The following TENM3 variants were observed in gnomAD, a reference collection of about 807,000 sequenced individuals.
The protein encoded by TENM3 is teneurin-3.
TENM3 carries 63 observed loss-of-function variants against 255.1 expected under a neutral mutation model. That is an observed-to-expected ratio of 0.25 (90% confidence interval 0.20 to 0.30). The LOEUF (loss-of-function observed/expected upper bound fraction) is 0.30. Among genes scored for constraint, TENM3 ranks in the 10% least tolerant of loss-of-function variants. The pLI is 1.00. For missense variants in TENM3, 2,929 were observed against 3,461.1 expected (o/e 0.85, Z 3.86); for synonymous variants, 1,306 against 1,322.3 (o/e 0.99, Z 0.27).
At position 182,729,092 on chromosome 4, in the gene TENM3, A is replaced by G; in HGVS notation, c.2496A>G (p.Gln832=). 1 of 1,614,050 alleles carries G rather than the reference A, an allele frequency of 6.2e-7. No individual in the cohort carries two copies. The highest frequency in any genetic ancestry group is 1.3e-5 in the African/African-American group (1 of 75,058). The part of the protein sequence containing the change: ...ISQSLQSPSQ[Q]AAKSFYDRIS... ...AAAGCCTTCAATCGCCTTCTCAGCA[A>G]GCTGCCAAATCCTTTTATGATCGAA... Residue 832 remains glutamine, a synonymous_variant, in exon 14 of 28, where the codon CAA becomes CAG. Coordinates refer to ENST00000511685, the MANE Select transcript of TENM3 (RefSeq NM_001080477.4).
chr4:181,811,599 C>G, the TENM3 span, among the ~76,000 whole-genome samples: 1 of 152,206 alleles, frequency 6.6e-6, no homozygotes, highest in Non-Finnish European at 1.5e-5. Context: ...TTCCACATGG[C>G]TGGGGAGGCC....
the TENM3 span, among the ~76,000 whole-genome samples, chr4:181,546,084 C>T: frequency 6.6e-6 from 1 of 152,158 alleles, no homozygotes; most frequent in Non-Finnish European, 1.5e-5. Flanking sequence ...CTCTGGTGGC[C>T]ACTGCAAAGG....
At chr4:182,663,151 CTA>C (rs1390605669) in intron 6 of TENM3, among the ~76,000 whole-genome samples, 6 of 152,136 alleles carry the variant, frequency 3.9e-5, no homozygotes, top group African/African-American at 1.4e-4. Flanking sequence ...TTCATTCTAA[CTA>C]GTGTAATAAC....
chr4:182,776,758 C>T (rs1764718107), intron 24 of TENM3, among the ~76,000 whole-genome samples: 1 of 152,136 alleles, frequency 6.6e-6, no homozygotes, highest in African/African-American at 2.4e-5. Context: ...AAGAAAATAC[C>T]TCACTTGAGG....
the TENM3 span, among the ~76,000 whole-genome samples, chr4:181,838,460 C>G: frequency 6.6e-6 from 1 of 152,098 alleles, no homozygotes; most frequent in Non-Finnish European, 1.5e-5. Flanking sequence ...GAGACTTTCT[C>G]TTCTTTTTTA....
chr4:182,473,059 A>G (rs933043119), intron 3 of TENM3, among the ~76,000 whole-genome samples: 3 of 152,260 alleles, frequency 2.0e-5, no homozygotes, highest in African/African-American at 7.2e-5. Flanking sequence ...TAATTTACGA[A>G]ACTCCTCAAC....
chr4:182,397,235 T>TAAA (rs11429827), intron 3 of TENM3, among the ~76,000 whole-genome samples: 1 of 143,390 alleles, frequency 7.0e-6, no homozygotes, highest in African/African-American at 2.6e-5. Context: ...GTTTTTAACA[T>TAAA]AAAAAAAAAA....
intron 1 of TENM3, among the ~76,000 whole-genome samples, chr4:182,177,965 T>TTG (rs200176998): frequency 0.014 from 1,939 of 139,356 alleles, 29 homozygotes; most frequent in Non-Finnish European, 0.019. Flanking sequence ...TTTGTTTTTT[T>TTG]TTTTTTTTTT....
chr4:181,731,912 C>T, the TENM3 span, among the ~76,000 whole-genome samples: 4 of 152,098 alleles, frequency 2.6e-5, no homozygotes, highest in African/African-American at 9.7e-5. Context: ...CCCTGGGCAC[C>T]AGAGTGAGTT....
intron 13 of TENM3, among the ~76,000 whole-genome samples, chr4:182,716,711 A>G (rs1759207304): frequency 1.3e-5 from 2 of 152,256 alleles, no homozygotes. Flanking sequence ...GATGTCAATT[A>G]TATGAAGACA....
the TENM3 span, among the ~76,000 whole-genome samples, chr4:181,519,399 TAATTAGTACA>T: frequency 1.3e-5 from 2 of 152,220 alleles, no homozygotes; most frequent in Non-Finnish European, 2.9e-5. Context: ...GCTATTCTCA[TAATTAGTACA>T]AATTGGTTTG....
At chr4:182,203,618 C>T (rs754660873) in intron 1 of TENM3, among the ~76,000 whole-genome samples, 3 of 152,160 alleles carry the variant, frequency 2.0e-5, no homozygotes, top group African/African-American at 4.8e-5. Flanking sequence ...CCCTTTCCCC[C>T]GCTTTGCTGG....
intron 1 of TENM3, among the ~76,000 whole-genome samples, chr4:182,255,224 C>A (rs1758311349): frequency 2.0e-5 from 3 of 152,182 alleles, no homozygotes; most frequent in African/African-American, 7.2e-5. Flanking sequence ...TCTCTTTTAT[C>A]GGAGAAGCCT....
At chr4:182,037,350 G>C in the TENM3 span, among the ~76,000 whole-genome samples, 1 of 152,046 alleles carries the variant, frequency 6.6e-6, no homozygotes, top group Non-Finnish European at 1.5e-5. Flanking sequence ...GTTTCACCAG[G>C]TTGGCCGGGC....
the TENM3 span, among the ~76,000 whole-genome samples, chr4:181,519,022 G>A: frequency 2.3e-3 from 357 of 152,264 alleles, 1 homozygote; most frequent in Non-Finnish European, 3.4e-3. Context: ...TAAACCTCAA[G>A]ACTGGTGAGT....
chr4:182,335,789 A>G (rs1764098748), intron 2 of TENM3, among the ~76,000 whole-genome samples: 1 of 152,206 alleles, frequency 6.6e-6, no homozygotes, highest in Non-Finnish European at 1.5e-5. Flanking sequence ...TATGACATAT[A>G]TAATGTCTAT....
intron 3 of TENM3, among the ~76,000 whole-genome samples, chr4:182,461,880 G>C (rs1305778493): frequency 6.6e-6 from 1 of 152,102 alleles, no homozygotes; most frequent in African/African-American, 2.4e-5. Context: ...GACAGATCCA[G>C]GCCTAAAAAT....
At chr4:181,556,990 T>C in the TENM3 span, among the ~76,000 whole-genome samples, 27 of 152,212 alleles carry the variant, frequency 1.8e-4, no homozygotes, top group African/African-American at 6.5e-4. Flanking sequence ...AATCTTGTTA[T>C]TAATGATGGT....
At chr4:181,639,936 A>T in the TENM3 span, among the ~76,000 whole-genome samples, 72,491 of 151,950 alleles carry the variant, frequency 0.48, 17,728 homozygotes, top group Non-Finnish European at 0.53. Context: ...GACTGTGCCA[A>T]GTGCCGTTTA....
Sources: allele counts gnomAD v4.1 joint callset (sites outside exome capture counted in the v4.1 genomes callset), GRCh38; gene constraint gnomAD v4.1.1; transcripts MANE v1.5; gene names NCBI Gene and HGNC (gene_info 2026-07-23, HGNC 2026-07-21).